Variants in GSK3B observed in about 807,000 individuals in gnomAD.
GSK3B encodes the protein glycogen synthase kinase 3 beta.
Under a neutral mutation model 56.4 loss-of-function variants are expected in GSK3B, and 15 were observed. That is an observed-to-expected ratio of 0.27 (90% confidence interval 0.18 to 0.41). GSK3B has a LOEUF of 0.41. GSK3B is among the 10% of genes least tolerant of loss of function. The pLI, the probability that GSK3B is intolerant of heterozygous loss-of-function variation, is 1.00. For missense variants in GSK3B, 300 were observed against 513.4 expected (o/e 0.58, Z 4.02); for synonymous variants, 181 against 188.9 (o/e 0.96, Z 0.34).
chr3:120,044,069 T>C (rs767956727), intron 1 of GSK3B, among the ~76,000 whole-genome samples: 2 of 152,202 alleles, frequency 1.3e-5, no homozygotes, highest in Non-Finnish European at 2.9e-5. Context: ...TTGTCCCCTT[T>C]CCACTCGAAT....
intron 7 of GSK3B, among the ~76,000 whole-genome samples, chr3:119,896,558 A>G (rs1054430096): frequency 1.3e-5 from 2 of 152,168 alleles, no homozygotes; most frequent in Non-Finnish European, 1.5e-5. Flanking sequence ...CATCAAATAA[A>G]CAATAAAATA....
rs536613797 is a variant in GSK3B at position 119,955,756 on chromosome 3, C to T, written c.283-8405G>A. Among the ~76,000 whole-genome samples, 227 of 152,150 alleles carry T rather than the reference C, an allele frequency of 1.5e-3. 1 individual carries two copies. Among genetic ancestry groups the T allele is most frequent in the African/African-American group, 4.8e-3 (199 of 41,518 alleles). ...GCAACCTCCGCCTCCTGGGTTCAAGCGATTCTCCTGCCTCACCCTCCTGAA... is the reference window on the plus strand; with the variant it reads ...GCAACCTCCGCCTCCTGGGTTCAAGTGATTCTCCTGCCTCACCCTCCTGAA... On this transcript the variant is annotated intron_variant, in intron 2 of 10. Coordinates refer to ENST00000264235, the MANE Select transcript of GSK3B (RefSeq NM_001146156.2).
At chr3:120,021,002 C>T (rs557207496) in intron 1 of GSK3B, among the ~76,000 whole-genome samples, 1 of 152,162 alleles carries the variant, frequency 6.6e-6, no homozygotes. Context: ...AAGGCCGGAA[C>T]CCTCTTCAAT....
chr3:119,854,063 T>G (rs894191720), intron 9 of GSK3B, among the ~76,000 whole-genome samples: 1 of 152,186 alleles, frequency 6.6e-6, no homozygotes, highest in African/African-American at 2.4e-5. Context: ...GGGTTTGTCA[T>G]AAACATGTTA....
chr3:120,044,429 T>C (rs1050513692), intron 1 of GSK3B, among the ~76,000 whole-genome samples: 1 of 152,062 alleles, frequency 6.6e-6, no homozygotes, highest in Non-Finnish European at 1.5e-5. Context: ...GGAGCAGCAC[T>C]TGCTCTCTTG....
chr3:119,904,984 G>T (rs1159909034), intron 7 of GSK3B, among the ~76,000 whole-genome samples: 3 of 148,758 alleles, frequency 2.0e-5, no homozygotes, highest in African/African-American at 7.4e-5. Context: ...TAAGTAAAGG[G>T]ACTTCCTTTA....
At chr3:120,093,258 A>C in intron 1 of GSK3B, 89 bp downstream of exon 1, 1 of 851,004 alleles carries the variant, frequency 1.2e-6, no homozygotes, top group Non-Finnish European at 2.0e-6. Context: ...GTTTATCAGG[A>C]GGTCTAATAA....
chr3:119,950,478 T>A (rs1029249835), intron 2 of GSK3B, among the ~76,000 whole-genome samples: 1 of 152,120 alleles, frequency 6.6e-6, no homozygotes, highest in Non-Finnish European at 1.5e-5. Flanking sequence ...AATGGCTAGA[T>A]AAACACAGGA....
rs368181639 is a variant in GSK3B at position 119,923,354 on chromosome 3, T to C, written c.477+19A>G. 8 of 1,291,418 alleles carry C rather than the reference T, an allele frequency of 6.2e-6. No individual in the cohort carries two copies. In the East Asian group the frequency reaches 1.9e-4, roughly 30 times the overall value. 80.0% of individuals were successfully genotyped at this position (1,291,418 alleles called of 1,614,324 possible). A position where few individuals can be genotyped will look rare whatever the true frequency, so the allele number is the denominator to read the frequency against. ...AAAAAATGTTTTCTAAAATGGAAAA[T>C]TGTTATGTTTTTACATACCTTGACA... On this transcript the variant is annotated intron_variant, in intron 4 of 10. Coordinates refer to ENST00000264235, the MANE Select transcript of GSK3B (RefSeq NM_001146156.2).
rs190563700 is a variant in GSK3B, at chr3:119,875,478, G to C, written c.909+935C>G. On this transcript the variant is annotated intron_variant, in intron 8 of 10. Coordinates refer to ENST00000264235, the MANE Select transcript of GSK3B (RefSeq NM_001146156.2). The stretch of plus-strand genomic sequence containing the variant: ...CTCTCCTTAAAATACGTATTATAAA[G>C]TCGATCATTGGTAACCCGTGACACA... Among the ~76,000 whole-genome samples the C allele has an allele frequency of 2.0e-5, 3 of 149,550 alleles. No individual in the cohort carries two copies. The East Asian group carries it at 5.9e-4, about 29-fold the overall frequency.
chr3:119,837,736 T>C (rs1023824737), intron 10 of GSK3B, among the ~76,000 whole-genome samples: 6 of 151,892 alleles, frequency 4.0e-5, no homozygotes, highest in Non-Finnish European at 8.8e-5. Flanking sequence ...AGATGCTCTC[T>C]AAAATGGTTT....
At chr3:120,074,312 G>GA (rs906955640) in intron 1 of GSK3B, among the ~76,000 whole-genome samples, 1 of 145,836 alleles carries the variant, frequency 6.9e-6, no homozygotes, top group African/African-American at 2.5e-5. Flanking sequence ...AAAAAAAAAA[G>GA]AAAGAAAGAA....
rs201037934 is a variant in GSK3B at position 119,941,014 on chromosome 3, A to ATTTTT, written c.366+6249_366+6253dup. On this transcript the variant is annotated intron_variant, in intron 3 of 10. Transcript: ENST00000264235. The stretch of plus-strand genomic sequence containing the variant: ...TCTAGTACTGCAACTATTACTACTA[A>ATTTTT]TTTTTTTTTTTTTTTTTTGAGATGG... Among the ~76,000 whole-genome samples, 7 of 138,874 alleles carry ATTTTT rather than the reference A, an allele frequency of 5.0e-5. No individual in the cohort carries two copies. In the East Asian group the frequency reaches 1.2e-3, roughly 25 times the overall value. 91.1% of individuals were successfully genotyped at this position (138,874 alleles called of 152,430 possible). A position where few individuals can be genotyped will look rare whatever the true frequency, so the allele number is the denominator to read the frequency against.
rs1199545073 is a variant in GSK3B at position 119,923,487 on chromosome 3, A to T, written c.367-4T>A. ...GATTAAGATAGACCTCATCTTTCTG[A>T]AAGAGTTTATTTAAAAAAACAAAAA... is the stretch of plus-strand genomic sequence containing the variant. On this transcript the variant is annotated splice_polypyrimidine_tract_variant and splice_region_variant and intron_variant, in intron 3 of 10. Coordinates refer to ENST00000264235, the MANE Select transcript of GSK3B (RefSeq NM_001146156.2). 6.8e-7 allele frequency: 1 copy of T among 1,466,754 alleles called. No individual in the cohort carries two copies. The highest frequency in any genetic ancestry group is 1.9e-5 in the Admixed American group (1 of 53,780). 90.9% of individuals were successfully genotyped at this position (1,466,754 alleles called of 1,614,324 possible).
At chr3:119,972,748 T>C (rs1309332176) in intron 2 of GSK3B, among the ~76,000 whole-genome samples, 3 of 152,198 alleles carry the variant, frequency 2.0e-5, no homozygotes, top group East Asian at 3.8e-4. Context: ...TTTTTCTTTT[T>C]ACTGTTCTGT....
chr3:119,881,157 A>G (rs2056374470), intron 7 of GSK3B, among the ~76,000 whole-genome samples: 1 of 152,246 alleles, frequency 6.6e-6, no homozygotes, highest in South Asian at 2.1e-4. Context: ...AGAGCTACAC[A>G]TACCTTTATG....
At chr3:119,909,232 A>C (rs578023665) in intron 6 of GSK3B, among the ~76,000 whole-genome samples, 25 of 152,234 alleles carry the variant, frequency 1.6e-4, no homozygotes, top group African/African-American at 6.0e-4. Context: ...GCTGGTCTCG[A>C]ACTCCTGAGT....
chr3:119,885,985 C>T (rs1305104007), intron 7 of GSK3B, among the ~76,000 whole-genome samples: 1 of 151,950 alleles, frequency 6.6e-6, no homozygotes, highest in East Asian at 1.9e-4. Flanking sequence ...GGCCATTGGC[C>T]TTGAGAAATA....
chr3:120,040,670 C>T (rs2058058567), intron 1 of GSK3B, among the ~76,000 whole-genome samples: 2 of 151,918 alleles, frequency 1.3e-5, no homozygotes, highest in African/African-American at 4.8e-5. Context: ...AAAGATAGTC[C>T]CCCCAATCTC....
Sources: gnomAD v4.1 joint callset for allele counts (sites outside exome capture counted in the v4.1 genomes callset) on GRCh38, gnomAD v4.1.1 for gene constraint, MANE v1.5 for transcripts, NCBI Gene and HGNC (gene_info 2026-07-23, HGNC 2026-07-21) for gene names.